KRT82: variants seen among roughly 807,000 people sequenced by gnomAD.
KRT82 encodes keratin, type II cuticular Hb2.
A neutral mutation model predicts 48.0 loss-of-function variants in KRT82; 44 were observed. The ratio of observed to expected loss-of-function variants is 0.92; its 90% CI spans 0.72 to 1.18. KRT82 has a LOEUF of 1.18. Among genes scored for constraint, KRT82 ranks in the 50% most tolerant of loss-of-function variants. The pLI is 0.00. For synonymous variants in KRT82, 297 were observed against 278.3 expected (o/e 1.07, Z -0.67); for missense variants, 701 against 671.4 (o/e 1.04, Z -0.49).
rs370418655 is a variant in KRT82, at chr12:52,396,849, G to A, written c.1068+34C>T. 9.3e-4 allele frequency: 1,499 copies of A among 1,611,930 alleles called. 28 individuals are homozygous for A. In the South Asian group the frequency reaches 0.014, roughly 15 times the overall value. On this transcript the variant is annotated intron_variant, in intron 6 of 8. Transcript: ENST00000257974. ...CAGACTGGCCAGTCAGCCCAGGATGGCTGTTGCAGCAAGGAAGTCCTCCCC... is the reference window on the plus strand; with the variant it reads ...CAGACTGGCCAGTCAGCCCAGGATGACTGTTGCAGCAAGGAAGTCCTCCCC...
chr12:52,396,564 T>C (rs533788939), intron 6 of KRT82, among the ~76,000 whole-genome samples: 2 of 152,206 alleles, frequency 1.3e-5, no homozygotes, highest in Non-Finnish European at 2.9e-5. Flanking sequence ...TTCAGGATCA[T>C]AGAATCACAG....
chr12:52,406,325 G>C lies in KRT82; in HGVS notation c.-48C>G. The C allele has an allele frequency of 6.7e-7, 1 of 1,498,338 alleles. No individual in the cohort carries two copies. The highest frequency in any genetic ancestry group is 8.9e-7 in the Non-Finnish European group (1 of 1,124,158). 92.8% of individuals were successfully genotyped at this position (1,498,338 alleles called of 1,614,324 possible). A position where few individuals can be genotyped will look rare whatever the true frequency, so the allele number is the denominator to read the frequency against. On this transcript the variant is annotated 5_prime_UTR_variant, in exon 1 of 9. Transcript: ENST00000257974. ...ATGCGGCCCTGGAGGAAAGAACCGG[G>C]GCAGGATGATCAAGTCAGGCTCAGC...
chr12:52,394,996 G>C lies in KRT82; in HGVS notation c.1521C>G (p.Ser507Arg), dbSNP rs1247387993. ...KSSMTLGAGG[S>R]SPSHKH Reference sequence around the variant, plus strand: ...CATGCTAATGCTTGTGGCTGGGGGAGCTGCCCCCAGCTCCTAGCGTCATGC... The same window carrying C: ...CATGCTAATGCTTGTGGCTGGGGGACCTGCCCCCAGCTCCTAGCGTCATGC... The change falls in exon 9 of 9, where the codon AGC (serine) becomes AGG (arginine). Residue 507 changes from serine (S) to arginine (R), a missense_variant. Coordinates refer to ENST00000257974, the MANE Select transcript of KRT82 (RefSeq NM_033033.4). 1.2e-6 allele frequency: 2 copies of C among 1,613,358 alleles called. No homozygotes were observed. The highest frequency in any genetic ancestry group is 2.2e-5 in the South Asian group (2 of 91,068).
intron 5 of KRT82, among the ~76,000 whole-genome samples, chr12:52,397,312 C>G (rs1337392468): frequency 6.6e-6 from 1 of 152,180 alleles, no homozygotes; most frequent in Non-Finnish European, 1.5e-5. Context: ...TCCCAGAGCC[C>G]AAGTTCACCT....
At chr12:52,395,267 A>C in intron 8 of KRT82, 72 bp from the exon 9 acceptor site, 1 of 1,300,856 alleles carries the variant, frequency 7.7e-7, no homozygotes, top group South Asian at 1.3e-5. Context: ...GAAACTACTC[A>C]GCCAGGCCAT....
intron 1 of KRT82, among the ~76,000 whole-genome samples, chr12:52,405,019 C>T (rs1016308460): frequency 4.6e-5 from 7 of 152,138 alleles, no homozygotes; most frequent in Non-Finnish European, 1.0e-4. Context: ...TCACCAGAAA[C>T]ACCAGCTCAA....
At chr12:52,396,862 G>A in intron 6 of KRT82, 21 bp downstream of exon 6, 1 of 1,612,950 alleles carries the variant, frequency 6.2e-7, no homozygotes, top group South Asian at 1.1e-5. Context: ...GTTGCAGCAA[G>A]GAAGTCCTCC....
chr12:52,400,111 C>A lies in KRT82; in HGVS notation c.816G>T (p.Ser272=), dbSNP rs775621715. ...CLLQSQISET[S]VIVKMDNSRE... is the part of the protein sequence containing the mutation. ...GGCTGTTGTCCATCTTCACAATGAC[C>A]GAGGTCTCAGAGATCTGAGACTGGA... Residue 272 remains serine, a synonymous_variant, in exon 5 of 9, where the codon TCG becomes TCT. Transcript: ENST00000257974. The A allele has an allele frequency of 9.3e-6, 15 of 1,613,886 alleles. No individual in the cohort carries two copies. The highest frequency in any genetic ancestry group is 1.7e-5 in the Admixed American group (1 of 60,008).
rs746383199 is a variant in KRT82 at position 52,406,249 on chromosome 12, G to C, written c.29C>G (p.Ser10Cys). 6.2e-7 allele frequency: 1 copy of C among 1,604,152 alleles called. No homozygotes were observed. The highest frequency in any genetic ancestry group is 1.7e-5 in the Admixed American group (1 of 59,412). The stretch of plus-strand genomic sequence containing the variant: ...GCTGAAACTCTGACTGCCACACCTG[G>C]AGCCTGGCTGGAAAGAGTGGTACGA... MSYHSFQPG[S>C]RCGSQSFSSY... The change falls in exon 1 of 9, where the codon TCC becomes TGC. Residue 10 changes from serine (S) to cysteine (C), a missense_variant. Transcript: ENST00000257974.
intron 8 of KRT82, 52 bp downstream of exon 8, chr12:52,395,707 G>T: frequency 1.1e-5 from 16 of 1,424,676 alleles, no homozygotes; most frequent in Non-Finnish European, 5.8e-6. Flanking sequence ...CTGTGTTGGG[G>T]TGATCAACCC....
chr12:52,405,764 C>A, intron 1 of KRT82, 103 bp downstream of exon 1: 1 of 1,209,442 alleles, frequency 8.3e-7, no homozygotes, highest in Non-Finnish European at 1.1e-6. Context: ...TAAACTGAGG[C>A]CTCCTCAATG....
intron 6 of KRT82, among the ~76,000 whole-genome samples, 186 bp downstream of exon 6, chr12:52,396,697 G>A (rs1270432179): frequency 1.3e-5 from 2 of 152,152 alleles, no homozygotes; most frequent in Admixed American, 6.5e-5. Context: ...TATTTCCTGT[G>A]GCTGCTCATC....
rs2121464501 is a variant in KRT82 at position 52,394,656 on chromosome 12, G to T, written c.*319C>A. On this transcript the variant is annotated 3_prime_UTR_variant, in exon 9 of 9. Transcript: ENST00000257974. ...CTTCCATGGGATGATCCACAGAGCA[G>T]AACTGTGGTGTGCCCATTTGACCTT... 1 of 414,366 alleles carries T rather than the reference G, an allele frequency of 2.4e-6. No individual in the cohort carries two copies. The highest frequency in any genetic ancestry group is 2.5e-5 in the South Asian group (1 of 39,538). 25.7% of individuals were successfully genotyped at this position (414,366 alleles called of 1,614,324 possible). A position where few individuals can be genotyped will look rare whatever the true frequency, so the allele number is the denominator to read the frequency against.
chr12:52,398,851 G>A (rs1016662361), intron 5 of KRT82, among the ~76,000 whole-genome samples: 1 of 152,010 alleles, frequency 6.6e-6, no homozygotes, highest in Non-Finnish European at 1.5e-5. Flanking sequence ...CTGTGACCTG[G>A]CCTCAAGCTA....
At position 52,406,015 on chromosome 12, in the gene KRT82, G is replaced by A. The variant is rs150850572; in HGVS notation, c.263C>T (p.Pro88Leu). 41 of 1,614,210 alleles carry A rather than the reference G, an allele frequency of 2.5e-5. No homozygotes were observed. In the African/African-American group the frequency reaches 4.9e-4, roughly 19 times the overall value. The part of the protein sequence containing the change: ...FGYRLGATCG[P>L]SACITPVTIN... ...GGTGACAGGGGTGATGCAGGCAGAA[G>A]GCCCACAGGTGGCTCCCAGTCGGTA... is the stretch of plus-strand genomic sequence containing the variant. Residue 88 changes from proline to leucine, a missense_variant, in exon 1 of 9, where the codon CCT (proline) becomes CTT (leucine). By Grantham distance (98) the Pro-to-Leu change is moderately conservative (BLOSUM62 -3). Transcript: ENST00000257974.
At position 52,403,927 on chromosome 12, in the gene KRT82, A is replaced by G; in HGVS notation, c.412-18T>C. On this transcript the variant is annotated intron_variant, in intron 1 of 8. Transcript: ENST00000257974. ...AAACGGACCTGCAGCCAAGAATGGA[A>G]TATCACCAGGCAGCAGAGATCCTGG... 6.2e-7 allele frequency: 1 copy of G among 1,610,898 alleles called. No homozygotes were observed. Among genetic ancestry groups the G allele is most frequent in the Middle Eastern group, 1.8e-4 (1 of 5,594 alleles).
chr12:52,401,436 G>A, intron 2 of KRT82, 87 bp from the exon 3 acceptor site: 1 of 1,307,368 alleles, frequency 7.6e-7, no homozygotes, highest in Non-Finnish European at 1.1e-6. Flanking sequence ...GGGCAACTCT[G>A]CCTGTCACTG....
chr12:52,403,681 TA>T lies in KRT82; in HGVS notation c.620+19del, dbSNP rs1254734149. ...CCTTGCCCCAGGTCCACCAGTGGGGTAAAAGCAGCACTGACTCACTTTTTCT... is the reference window on the plus strand; with the variant it reads ...CCTTGCCCCAGGTCCACCAGTGGGGTAAAGCAGCACTGACTCACTTTTTCT... On this transcript the variant is annotated intron_variant, in intron 2 of 8. Coordinates refer to ENST00000257974, the MANE Select transcript of KRT82 (RefSeq NM_033033.4). The T allele has an allele frequency of 2.0e-6, 3 of 1,468,338 alleles. No individual in the cohort carries two copies. Among genetic ancestry groups the T allele is most frequent in the Non-Finnish European group, 1.9e-6 (2 of 1,051,070 alleles). 91.0% of individuals were successfully genotyped at this position (1,468,338 alleles called of 1,614,324 possible). A position where few individuals can be genotyped will look rare whatever the true frequency, so the allele number is the denominator to read the frequency against.
At position 52,406,311 on chromosome 12, in the gene KRT82, G is replaced by T; in HGVS notation, c.-34C>A. ...AGAGAGGCAGAGAAATGCGGCCCTG[G>T]AGGAAAGAACCGGGGCAGGATGATC... On this transcript the variant is annotated 5_prime_UTR_variant, in exon 1 of 9. Transcript: ENST00000257974. The T allele has an allele frequency of 1.3e-6, 2 of 1,534,244 alleles. No homozygotes were observed. Among genetic ancestry groups the T allele is most frequent in the Non-Finnish European group, 8.8e-7 (1 of 1,142,366 alleles).
Sources: gnomAD v4.1 joint callset for allele counts (sites outside exome capture counted in the v4.1 genomes callset) on GRCh38, gnomAD v4.1.1 for gene constraint, MANE v1.5 for transcripts, NCBI Gene and HGNC (gene_info 2026-07-23, HGNC 2026-07-21) for gene names.